Variants in SUPT3H observed in about 807,000 individuals in gnomAD.
SUPT3H encodes the protein transcription initiation protein SPT3 homolog.
A neutral mutation model predicts 44.3 loss-of-function variants in SUPT3H; 44 were observed. The observed-to-expected ratio is 0.99, with a 90% CI of 0.78 to 1.28. The LOEUF (loss-of-function observed/expected upper bound fraction) is 1.28. SUPT3H is among the 50% of genes most tolerant of loss of function. The pLI is 0.00. For missense variants in SUPT3H, 380 were observed against 387.1 expected (o/e 0.98, Z 0.15); for synonymous variants, 124 against 125.6 (o/e 0.99, Z 0.09).
chr6:45,078,389 T>C (rs1795304033), intron 3 of SUPT3H, among the ~76,000 whole-genome samples: 1 of 152,236 alleles, frequency 6.6e-6, no homozygotes, highest in African/African-American at 2.4e-5. Flanking sequence ...TTGCAGTTGT[T>C]GTTTTTGACC....
At chr6:45,159,914 C>T (rs1808654793) in intron 2 of SUPT3H, among the ~76,000 whole-genome samples, 1 of 152,180 alleles carries the variant, frequency 6.6e-6, no homozygotes, top group African/African-American at 2.4e-5. Flanking sequence ...CCCACACCTA[C>T]ATATACCCAA....
intron 2 of SUPT3H, among the ~76,000 whole-genome samples, chr6:45,281,714 G>T (rs1020172208): frequency 2.6e-5 from 4 of 152,146 alleles, no homozygotes; most frequent in African/African-American, 9.7e-5. Context: ...ACACTTAAAT[G>T]TCCCTGTCTG....
intron 3 of SUPT3H, among the ~76,000 whole-genome samples, chr6:45,063,393 G>A (rs554247992): frequency 1.3e-5 from 2 of 151,292 alleles, no homozygotes; most frequent in East Asian, 3.9e-4. Flanking sequence ...ACTCTAAAAT[G>A]CAGAGCGTCT....
rs575909887 is a variant in SUPT3H at position 45,211,802 on chromosome 6, T to A, written c.102-105796A>T. Among the ~76,000 whole-genome samples the A allele has an allele frequency of 5.5e-4, 82 of 150,376 alleles. 1 individual carries two copies. The South Asian group carries it at 0.017, about 31-fold the overall frequency. ...AGGCGGACGTTGCAGTAAACTGAGA[T>A]AGCACCACTGCACTCCAGCCTGGCG... On this transcript the variant is annotated intron_variant, in intron 2 of 10. Coordinates refer to ENST00000371459, the MANE Select transcript of SUPT3H (RefSeq NM_003599.4).
chr6:45,162,556 A>T (rs1809188578), intron 2 of SUPT3H, among the ~76,000 whole-genome samples: 1 of 152,108 alleles, frequency 6.6e-6, no homozygotes, highest in African/African-American at 2.4e-5. Flanking sequence ...TATACAAATT[A>T]AAGATAATTA....
chr6:45,284,318 G>T (rs1409136723), intron 2 of SUPT3H, among the ~76,000 whole-genome samples: 5 of 150,248 alleles, frequency 3.3e-5, no homozygotes, highest in African/African-American at 4.9e-5. Context: ...GGTTTTTTTT[G>T]AAAACATCAA....
At chr6:45,194,960 T>C (rs1030130348) in intron 2 of SUPT3H, among the ~76,000 whole-genome samples, 22 of 152,182 alleles carry the variant, frequency 1.4e-4, no homozygotes, top group Non-Finnish European at 1.9e-4. Flanking sequence ...TTAACTACTG[T>C]GAAAAGACCT....
intron 2 of SUPT3H, among the ~76,000 whole-genome samples, chr6:45,265,431 T>C (rs1775092115): frequency 6.6e-6 from 1 of 152,126 alleles, no homozygotes; most frequent in African/African-American, 2.4e-5. Context: ...GCTAATGATA[T>C]TTAGCATGAG....
rs939503723 is a variant in SUPT3H at position 44,902,465 on chromosome 6, T to A, written c.912+30188A>T. Reference sequence around the variant, plus strand: ...ATAACATAATGGTAAAGGGATCAATTCAACAAGAAGAGCTAACTATCCTAA... The same window carrying A: ...ATAACATAATGGTAAAGGGATCAATACAACAAGAAGAGCTAACTATCCTAA... On this transcript the variant is annotated intron_variant, in intron 10 of 10. Transcript: ENST00000371459. Among the ~76,000 whole-genome samples, 5 of 152,094 alleles carry A rather than the reference T, an allele frequency of 3.3e-5. No homozygotes were observed. In the East Asian group the frequency reaches 5.8e-4, roughly 18 times the overall value.
intron 2 of SUPT3H, among the ~76,000 whole-genome samples, chr6:45,196,740 T>G (rs1233269762): frequency 6.6e-6 from 1 of 151,976 alleles, no homozygotes; most frequent in Non-Finnish European, 1.5e-5. Context: ...GAATTGTATT[T>G]TCATGATTTC....
At chr6:44,841,705 T>TA (rs1269199221) in intron 10 of SUPT3H, among the ~76,000 whole-genome samples, 1 of 152,240 alleles carries the variant, frequency 6.6e-6, no homozygotes. Context: ...AGACAATGCT[T>TA]AATGCATCTT....
At chr6:44,876,952 G>A (rs1777404422) in intron 10 of SUPT3H, among the ~76,000 whole-genome samples, 1 of 151,856 alleles carries the variant, frequency 6.6e-6, no homozygotes, top group Admixed American at 6.6e-5. Flanking sequence ...GCTGATGTTT[G>A]TAACCTACTT....
At chr6:45,104,620 T>A (rs1412417051) in intron 3 of SUPT3H, among the ~76,000 whole-genome samples, 2 of 152,086 alleles carry the variant, frequency 1.3e-5, no homozygotes, top group Non-Finnish European at 2.9e-5. Flanking sequence ...GATTTATGTA[T>A]TTCATTAAAC....
At chr6:45,039,013 T>C (rs184298236) in intron 3 of SUPT3H, among the ~76,000 whole-genome samples, 32 of 152,294 alleles carry the variant, frequency 2.1e-4, no homozygotes, top group Admixed American at 2.1e-3. Context: ...TATTTTTAAA[T>C]TAACATTCAT....
At chr6:45,220,174 C>T (rs1765799699) in intron 2 of SUPT3H, among the ~76,000 whole-genome samples, 1 of 150,416 alleles carries the variant, frequency 6.6e-6, no homozygotes, top group South Asian at 2.1e-4. Context: ...AAGATTATTG[C>T]AGACCATCTT....
In SUPT3H at chr6:45,187,602, A is replaced by G. The variant is rs186661061; in HGVS notation, c.102-81596T>C. On this transcript the variant is annotated intron_variant, in intron 2 of 10. Transcript: ENST00000371459. ...GAGGACCTAAGAGAGAGGAAAAGAC[A>G]CTTTTCTTCCCAAACACATCAATTT... is the stretch of plus-strand genomic sequence containing the variant. Among the ~76,000 whole-genome samples, 3 of 152,222 alleles carry G rather than the reference A, an allele frequency of 2.0e-5. No individual in the cohort carries two copies. In the East Asian group the frequency reaches 5.8e-4, roughly 29 times the overall value.
chr6:45,045,969 C>A (rs1406511452), intron 3 of SUPT3H, among the ~76,000 whole-genome samples: 2 of 152,048 alleles, frequency 1.3e-5, no homozygotes, highest in African/African-American at 4.8e-5. Context: ...TTTCTATGTT[C>A]TATCTAAGAA....
intron 3 of SUPT3H, among the ~76,000 whole-genome samples, chr6:45,067,336 G>A (rs1305322707): frequency 7.7e-6 from 1 of 129,276 alleles, no homozygotes; most frequent in Non-Finnish European, 1.7e-5. Flanking sequence ...AGATTTAAAC[G>A]TTAGACCTAA....
intron 2 of SUPT3H, among the ~76,000 whole-genome samples, chr6:45,260,407 C>G (rs1774164832): frequency 1.4e-5 from 1 of 70,664 alleles, no homozygotes; most frequent in Non-Finnish European, 2.7e-5. Context: ...TCACTGCATT[C>G]AATTTATTCC....
Sources: allele counts gnomAD v4.1 joint callset (sites outside exome capture counted in the v4.1 genomes callset), GRCh38; gene constraint gnomAD v4.1.1; transcripts MANE v1.5; gene names NCBI Gene and HGNC (gene_info 2026-07-23, HGNC 2026-07-21).